The following ZNF536 variants were observed in gnomAD, a reference collection of about 807,000 sequenced individuals.
The protein encoded by ZNF536 is zinc finger protein 536.
Under a neutral mutation model 84.5 loss-of-function variants are expected in ZNF536, and 13 were observed. The observed-to-expected ratio is 0.15, with a 90% CI of 0.10 to 0.24. ZNF536 has a LOEUF of 0.24. ZNF536 is among the 10% of genes least tolerant of loss of function. The pLI is 1.00. For synonymous variants in ZNF536, 811 were observed against 742.5 expected (o/e 1.09, Z -1.50); for missense variants, 1,536 against 1,747.5 (o/e 0.88, Z 2.16).
chr19:30,254,626 T>C (rs1251142666), intron 1 of ZNF536, among the ~76,000 whole-genome samples: 1 of 150,662 alleles, frequency 6.6e-6, no homozygotes, highest in African/African-American at 2.4e-5. Context: ...CTCTGGAATG[T>C]GGACCCGCCA....
intron 1 of ZNF536, among the ~76,000 whole-genome samples, chr19:30,581,409 C>T (rs1021470108): frequency 9.9e-5 from 15 of 151,854 alleles, no homozygotes; most frequent in Admixed American, 9.2e-4. Context: ...CCCGGGAGGT[C>T]GAGGTTGCAG....
rs528598169 is a variant in ZNF536, at chr19:30,444,304, G to A, written c.742G>A (p.Val248Ile). 2.5e-6 allele frequency: 4 copies of A among 1,582,052 alleles called. No homozygotes were observed. In the South Asian group the frequency reaches 3.4e-5, roughly 13 times the overall value. The change falls in exon 2 of 5, where the codon GTT (valine) becomes ATT (isoleucine). Residue 248 changes from valine to isoleucine, a missense_variant. This residue lies in a region of ZNF536 where 138 missense variants were observed against 136.8 expected (regional missense o/e 1.01). Coordinates refer to ENST00000355537, the MANE Select transcript of ZNF536 (RefSeq NM_014717.3). ...CTLALQANHS[V>I]PDVAHPVPSP... ...CCTGGCCCTGCAGGCTAACCACAGC[G>A]TTCCCGACGTGGCCCACCCGGTGCC... is the stretch of plus-strand genomic sequence containing the variant.
At chr19:30,239,604 G>A (rs2023791094) in intron 1 of ZNF536, among the ~76,000 whole-genome samples, 1 of 152,172 alleles carries the variant, frequency 6.6e-6, no homozygotes, top group Non-Finnish European at 1.5e-5. Flanking sequence ...GGGGAGACTT[G>A]TCCTGTGCAT....
At chr19:30,458,913 G>T (rs971885968) in intron 2 of ZNF536, among the ~76,000 whole-genome samples, 13 of 152,314 alleles carry the variant, frequency 8.5e-5, no homozygotes, top group African/African-American at 3.1e-4. Context: ...CCTTGCAGCT[G>T]GAGGGGCACT....
intron 1 of ZNF536, among the ~76,000 whole-genome samples, chr19:30,593,298 C>T (rs1405048830): frequency 6.6e-6 from 1 of 152,150 alleles, no homozygotes; most frequent in Non-Finnish European, 1.5e-5. Flanking sequence ...GGTCTCTGAG[C>T]AGTGAGGGAG....
chr19:30,643,647 G>A (rs2049346487), intron 1 of ZNF536, among the ~76,000 whole-genome samples: 1 of 151,870 alleles, frequency 6.6e-6, no homozygotes, highest in African/African-American at 2.4e-5. Context: ...CTATCGCAAA[G>A]CAATTTCTGC....
intron 1 of ZNF536, among the ~76,000 whole-genome samples, chr19:30,623,534 T>G (rs1022382506): frequency 1.3e-5 from 2 of 152,350 alleles, no homozygotes; most frequent in East Asian, 3.9e-4. Context: ...GCCTCCTTGT[T>G]GTGCTCAGGC....
chr19:30,689,576 G>T (rs2051327938), intron 1 of ZNF536, among the ~76,000 whole-genome samples: 1 of 152,222 alleles, frequency 6.6e-6, no homozygotes, highest in African/African-American at 2.4e-5. Context: ...GTCAGGAAAT[G>T]TTATCAAAAT....
At chr19:30,709,855 G>A (rs1035295457) in intron 1 of ZNF536, among the ~76,000 whole-genome samples, 1 of 152,156 alleles carries the variant, frequency 6.6e-6, no homozygotes, top group East Asian at 1.9e-4. Flanking sequence ...GGGCTCAAAC[G>A]ACTGACTTGC....
intron 1 of ZNF536, among the ~76,000 whole-genome samples, chr19:30,600,433 A>C (rs1312086117): frequency 6.6e-6 from 1 of 152,144 alleles, no homozygotes; most frequent in African/African-American, 2.4e-5. Context: ...CTACAACCAA[A>C]ACATGATCTT....
At chr19:30,438,267 A>G (rs577592796) in intron 1 of ZNF536, among the ~76,000 whole-genome samples, 4 of 152,222 alleles carry the variant, frequency 2.6e-5, no homozygotes, top group Admixed American at 6.5e-5. Context: ...CCACTTTTGG[A>G]GTCCCCAGGG....
At chr19:30,301,905 G>A (rs1445388597) in intron 2 of ZNF536, among the ~76,000 whole-genome samples, 1 of 151,686 alleles carries the variant, frequency 6.6e-6, no homozygotes, top group Non-Finnish European at 1.5e-5. Context: ...AGGTGCCGAT[G>A]TGGGCTAGGT....
chr19:30,468,427 G>C (rs2053499906), intron 2 of ZNF536, among the ~76,000 whole-genome samples: 1 of 152,156 alleles, frequency 6.6e-6, no homozygotes, highest in Non-Finnish European at 1.5e-5. Flanking sequence ...GCTGCTGCCT[G>C]CATGGGGTCC....
At chr19:30,226,615 C>A (rs1223896208), upstream of ZNF536, among the ~76,000 whole-genome samples, 4 of 152,058 alleles carry the variant, frequency 2.6e-5, no homozygotes, top group Admixed American at 2.6e-4. The surrounding 1 kb of genome is among the most constrained non-coding windows in gnomAD (Gnocchi z 4.6). Flanking sequence ...GCAGGCGGCG[C>A]CCGCAGCACC....
upstream of ZNF536, among the ~76,000 whole-genome samples, chr19:30,369,515 A>T (rs1024393759): frequency 6.9e-6 from 1 of 145,164 alleles, no homozygotes; most frequent in African/African-American, 2.6e-5. Flanking sequence ...TGCAGTCTAG[A>T]TGTTGCTGTC....
At chr19:30,402,796 A>ATATATATATATATATATACATATAT (rs1555744993) in intron 1 of ZNF536, among the ~76,000 whole-genome samples, 1 of 85,610 alleles carries the variant, frequency 1.2e-5, no homozygotes, top group Non-Finnish European at 2.4e-5. Flanking sequence ...AAAATTAAAA[A>ATATATATATATATATATACATATAT]ATATATATAT....
intron 2 of ZNF536, among the ~76,000 whole-genome samples, chr19:30,319,604 A>G (rs1339875462): frequency 6.6e-6 from 1 of 152,218 alleles, no homozygotes; most frequent in Non-Finnish European, 1.5e-5. Context: ...CAGTTTAAAG[A>G]ATGAAGTCCT....
chr19:30,247,006 A>G (rs906065824), intron 1 of ZNF536, among the ~76,000 whole-genome samples: 1 of 152,078 alleles, frequency 6.6e-6, no homozygotes, highest in African/African-American at 2.4e-5. Flanking sequence ...CTTGCTTCCA[A>G]TTAAGGAAGG....
chr19:30,289,051 C>A (rs764578671), intron 2 of ZNF536, among the ~76,000 whole-genome samples: 4 of 152,142 alleles, frequency 2.6e-5, no homozygotes, highest in Non-Finnish European at 5.9e-5. Flanking sequence ...CTTCTCCATC[C>A]CATTCCTTTG....
Sources: gnomAD v4.1 joint callset for allele counts (sites outside exome capture counted in the v4.1 genomes callset) on GRCh38, gnomAD v4.1.1 for gene constraint, gnomAD v4.1.1 regional missense constraint, Gnocchi (gnomAD v3.1) non-coding constraint, MANE v1.5 for transcripts, NCBI Gene and HGNC (gene_info 2026-07-23, HGNC 2026-07-21) for gene names.